Variants in SPAG16 observed in about 807,000 individuals in gnomAD.
SPAG16 encodes the protein sperm associated antigen 16, also known as sperm-associated antigen 16 protein.
SPAG16 carries 86 observed loss-of-function variants against 80.4 expected under a neutral mutation model. That is an observed-to-expected ratio of 1.07 (90% confidence interval 0.90 to 1.28). The LOEUF is 1.28. SPAG16 is among the 50% of genes most tolerant of loss of function. SPAG16 has a pLI of 0.00. For synonymous variants in SPAG16, 294 were observed against 265.9 expected (o/e 1.11, Z -1.03); for missense variants, 870 against 765.3 (o/e 1.14, Z -1.61).
intron 15 of SPAG16, among the ~76,000 whole-genome samples, chr2:214,182,473 T>G (rs2057338714): frequency 6.6e-6 from 1 of 151,892 alleles, no homozygotes; most frequent in Non-Finnish European, 1.5e-5. Context: ...GTCTCACAAT[T>G]GTTTCTTCTG....
intron 10 of SPAG16, among the ~76,000 whole-genome samples, chr2:213,752,794 CCT>C (rs538163413): frequency 7.8e-4 from 119 of 152,228 alleles, no homozygotes; most frequent in African/African-American, 2.6e-3. Context: ...GTTTCCAAAA[CCT>C]AGATTAGGAA....
chr2:213,746,080 G>A (rs566099335), intron 10 of SPAG16, among the ~76,000 whole-genome samples: 45 of 152,286 alleles, frequency 3.0e-4, no homozygotes, highest in African/African-American at 1.1e-3. Context: ...ACTTGTGGAC[G>A]TCAGATGCAG....
chr2:214,129,054 C>A (rs2054629168), intron 14 of SPAG16, among the ~76,000 whole-genome samples: 1 of 150,524 alleles, frequency 6.6e-6, no homozygotes, highest in African/African-American at 2.4e-5. Context: ...CTAATCATTT[C>A]AGGTAGTTCT....
chr2:214,202,293 T>C (rs1164764099), intron 15 of SPAG16, among the ~76,000 whole-genome samples: 1 of 152,204 alleles, frequency 6.6e-6, no homozygotes, highest in African/African-American at 2.4e-5. Flanking sequence ...TTATGATATG[T>C]CTGTATTTAA....
chr2:213,707,927 A>G (rs894376232), intron 10 of SPAG16, among the ~76,000 whole-genome samples: 9 of 152,142 alleles, frequency 5.9e-5, no homozygotes, highest in African/African-American at 2.2e-4. Flanking sequence ...TTTATCTTCT[A>G]ATGAACAATG....
At chr2:214,396,013 T>C (rs919951529) in intron 15 of SPAG16, among the ~76,000 whole-genome samples, 6 of 152,164 alleles carry the variant, frequency 3.9e-5, no homozygotes, top group Admixed American at 2.6e-4. Context: ...GTCTTTATGG[T>C]AGAGTGATGA....
At chr2:213,326,486 A>G (rs1463604148) in intron 5 of SPAG16, among the ~76,000 whole-genome samples, 1 of 151,972 alleles carries the variant, frequency 6.6e-6, no homozygotes, top group Non-Finnish European at 1.5e-5. Flanking sequence ...TTTTTTCTGG[A>G]CGTGAATATA....
At chr2:213,740,514 G>A (rs191089662) in intron 10 of SPAG16, among the ~76,000 whole-genome samples, 29 of 152,328 alleles carry the variant, frequency 1.9e-4, no homozygotes, top group African/African-American at 6.5e-4. Context: ...TCTTCTGGTA[G>A]ATTGCGTTGT....
At chr2:213,921,148 G>T (rs1415649288) in intron 11 of SPAG16, among the ~76,000 whole-genome samples, 1 of 152,198 alleles carries the variant, frequency 6.6e-6, no homozygotes, top group African/African-American at 2.4e-5. Context: ...GCTCTGTCAG[G>T]AGTGTGCCAA....
At chr2:214,252,252 T>A (rs1690343422) in intron 15 of SPAG16, among the ~76,000 whole-genome samples, 1 of 151,994 alleles carries the variant, frequency 6.6e-6, no homozygotes, top group African/African-American at 2.4e-5. Context: ...GAAATAGAAA[T>A]ATTCCTTTTT....
At chr2:214,007,940 GCAAAAATATTTCTA>G (rs2047101052) in intron 12 of SPAG16, among the ~76,000 whole-genome samples, 1 of 152,016 alleles carries the variant, frequency 6.6e-6, no homozygotes, top group Non-Finnish European at 1.5e-5. Flanking sequence ...CATCATTTCT[GCAAAAATATTTCTA>G]CCTCATCTCC....
chr2:214,397,966 T>C (rs1461783261), intron 15 of SPAG16, among the ~76,000 whole-genome samples: 1 of 152,172 alleles, frequency 6.6e-6, no homozygotes, highest in Non-Finnish European at 1.5e-5. Context: ...AATCCTGGCC[T>C]GGTGAATTAG....
Position 213,806,161 on chromosome 2 carries a change from A to G in SPAG16, c.1071-56324A>G, listed in dbSNP as rs187968641. On this transcript the variant is annotated intron_variant, in intron 10 of 15. Coordinates refer to ENST00000331683, the MANE Select transcript of SPAG16 (RefSeq NM_024532.5). ...GTTCCAATAAATACTAGAGAGCATC[A>G]TCCCACTAAAACAAAAACAAAAACA... is the stretch of plus-strand genomic sequence containing the variant. Among the ~76,000 whole-genome samples the G allele has an allele frequency of 3.9e-4, 59 of 152,316 alleles. 1 individual carries two copies. The highest frequency in any genetic ancestry group is 1.4e-3 in the African/African-American group (58 of 41,574).
intron 10 of SPAG16, among the ~76,000 whole-genome samples, chr2:213,704,905 G>A (rs2065668200): frequency 6.6e-6 from 1 of 152,140 alleles, no homozygotes; most frequent in African/African-American, 2.4e-5. Flanking sequence ...AATTTGTCCA[G>A]ACGAAAAGCG....
chr2:213,918,582 TGGTTTTATAAAG>T lies in SPAG16; in HGVS notation c.1215-11375_1215-11364del, dbSNP rs538842673. ...AGTGAATAAGTCTCATGAGATCTGA[TGGTTTTATAAAG>T]GGGAGTTTCCCTGCACAAATTCTCT... On this transcript the variant is annotated intron_variant, in intron 11 of 15. Transcript: ENST00000331683. 1.2e-4 allele frequency among the ~76,000 whole-genome samples: 18 copies of T among 152,310 alleles called. 1 individual carries two copies. In the South Asian group the frequency reaches 3.1e-3, roughly 26 times the overall value.
intron 11 of SPAG16, among the ~76,000 whole-genome samples, chr2:213,890,490 G>A (rs1270495893): frequency 2.6e-5 from 4 of 151,934 alleles, no homozygotes; most frequent in Non-Finnish European, 5.9e-5. Context: ...TCAAAAGTAG[G>A]TAATGGGAAA....
At chr2:214,242,874 A>T (rs2052441) in intron 15 of SPAG16, among the ~76,000 whole-genome samples, 16 of 152,140 alleles carry the variant, frequency 1.1e-4, no homozygotes, top group African/African-American at 3.9e-4. Context: ...TCACTTGGGT[A>T]GCTGCAGCCC....
At chr2:214,330,277 C>CAA (rs575894776) in intron 15 of SPAG16, among the ~76,000 whole-genome samples, 20 of 105,262 alleles carry the variant, frequency 1.9e-4, no homozygotes, top group East Asian at 1.2e-3. Flanking sequence ...AACTCTGTCT[C>CAA]AAAAAAAAAA....
At chr2:213,804,008 T>A (rs2071582552) in intron 10 of SPAG16, among the ~76,000 whole-genome samples, 1 of 152,224 alleles carries the variant, frequency 6.6e-6, no homozygotes, top group African/African-American at 2.4e-5. Flanking sequence ...CCCTGGGCTT[T>A]TCCTCTTTCC....
Sources: allele counts gnomAD v4.1 joint callset (sites outside exome capture counted in the v4.1 genomes callset), GRCh38; gene constraint gnomAD v4.1.1; transcripts MANE v1.5; gene names NCBI Gene and HGNC (gene_info 2026-07-23, HGNC 2026-07-21).